Variants in EYS observed in about 807,000 individuals in gnomAD.
EYS encodes EGF-like photoreceptor maintenance factor.
EYS carries 250 observed loss-of-function variants against 282.1 expected under a neutral mutation model. The ratio of observed to expected loss-of-function variants is 0.89; its 90% CI spans 0.80 to 0.98. The LOEUF is 0.98. Among genes scored for constraint, EYS ranks in the 50% least tolerant of loss-of-function variants. The pLI is 0.00. For synonymous variants in EYS, 1,355 were observed against 1,282.9 expected, an observed-to-expected ratio of 1.06 and a Z score of -1.20; for missense variants, 4,016 against 3,709.0, an observed-to-expected ratio of 1.08 and a Z score of -2.15.
intron 22 of EYS, among the ~76,000 whole-genome samples, chr6:64,652,167 C>G (rs963138639): frequency 1.3e-5 from 2 of 152,218 alleles, no homozygotes; most frequent in African/African-American, 4.8e-5. Flanking sequence ...AGGTGACCCA[C>G]AGTCATGTAT....
At chr6:64,985,234 G>A (rs1213017719) in intron 14 of EYS, among the ~76,000 whole-genome samples, 1 of 151,502 alleles carries the variant, frequency 6.6e-6, no homozygotes, top group Non-Finnish European at 1.5e-5. Flanking sequence ...CTATACAAAT[G>A]TTATGACTTT....
intron 26 of EYS, among the ~76,000 whole-genome samples, chr6:64,569,655 T>G (rs113572652): frequency 2.0e-5 from 3 of 151,614 alleles, no homozygotes; most frequent in Non-Finnish European, 4.4e-5. Context: ...GCAGGAGAAT[T>G]GCGTGAACCC....
intron 22 of EYS, among the ~76,000 whole-genome samples, chr6:64,750,420 T>TAA (rs5876920): frequency 0.039 from 5,792 of 146,970 alleles, 268 homozygotes; most frequent in African/African-American, 0.11. Flanking sequence ...AGAGGGAAAG[T>TAA]AAAAAAAAAA....
chr6:65,139,856 GA>G (rs923020181), intron 12 of EYS, among the ~76,000 whole-genome samples: 1 of 152,042 alleles, frequency 6.6e-6, no homozygotes, highest in Non-Finnish European at 1.5e-5. Flanking sequence ...GCCATTTGGG[GA>G]ATCTGGACCT....
At chr6:65,469,857 T>C (rs1765144084) in intron 5 of EYS, among the ~76,000 whole-genome samples, 1 of 152,132 alleles carries the variant, frequency 6.6e-6, no homozygotes, top group African/African-American at 2.4e-5. Flanking sequence ...TTCCAAAGAT[T>C]TTAAGTCCCT....
intron 14 of EYS, among the ~76,000 whole-genome samples, chr6:64,972,710 G>C (rs1770336899): frequency 6.6e-6 from 1 of 152,092 alleles, no homozygotes; most frequent in South Asian, 2.1e-4. Flanking sequence ...TTACTGGTAA[G>C]TCTTCCAGTC....
chr6:63,945,946 C>G (rs1765384404), intron 35 of EYS, among the ~76,000 whole-genome samples: 2 of 152,180 alleles, frequency 1.3e-5, no homozygotes. Flanking sequence ...TTTCCTGAAC[C>G]TACGAATAAA....
At chr6:64,133,980 C>T (rs2150283617) in intron 31 of EYS, among the ~76,000 whole-genome samples, 1 of 152,094 alleles carries the variant, frequency 6.6e-6, no homozygotes. Context: ...AAGCTTGAGC[C>T]ATGCAAAGAT....
intron 11 of EYS, among the ~76,000 whole-genome samples, chr6:65,297,994 C>T (rs58454706): frequency 0.036 from 5,548 of 152,056 alleles, 313 homozygotes; most frequent in African/African-American, 0.12. Context: ...TAGTTCTGTG[C>T]CTCTACTATG....
intron 22 of EYS, among the ~76,000 whole-genome samples, chr6:64,654,577 C>T (rs1161828441): frequency 6.6e-6 from 1 of 152,038 alleles, no homozygotes. Flanking sequence ...CTGGGGCTTG[C>T]ACTGTATAGA....
intron 33 of EYS, among the ~76,000 whole-genome samples, chr6:64,011,341 C>T (rs182899612): frequency 6.6e-6 from 1 of 152,074 alleles, no homozygotes; most frequent in East Asian, 1.9e-4. Context: ...AAAGATCAAA[C>T]TAAGTTCTTG....
At position 64,587,379 on chromosome 6, in the gene EYS, G is replaced by A. The variant is rs148821387; in HGVS notation, c.5644+2844C>T. 2.5e-3 allele frequency among the ~76,000 whole-genome samples: 382 copies of A among 152,040 alleles called. 4 individuals are homozygous for A. The highest frequency in any genetic ancestry group is 8.5e-3 in the African/African-American group (354 of 41,500). ...CATTTACACATTTGTTCTATATTTT[G>A]GCAGTGTCACGGAAACCATTATGTG... On this transcript the variant is annotated intron_variant, in intron 26 of 42. Transcript: ENST00000503581.
At chr6:65,656,647 T>C (rs1440052755) in intron 1 of EYS, among the ~76,000 whole-genome samples, 1 of 151,900 alleles carries the variant, frequency 6.6e-6, no homozygotes, top group Non-Finnish European at 1.5e-5. Flanking sequence ...AGTTTGAAAC[T>C]AGCAGATGTT....
intron 29 of EYS, among the ~76,000 whole-genome samples, chr6:64,341,560 G>T (rs1486207936): frequency 6.6e-6 from 1 of 151,676 alleles, no homozygotes; most frequent in Admixed American, 6.6e-5. Context: ...AGGATGAGAG[G>T]AGTACATGGG....
At chr6:64,377,599 C>T (rs537404564) in intron 29 of EYS, among the ~76,000 whole-genome samples, 1 of 151,920 alleles carries the variant, frequency 6.6e-6, no homozygotes, top group South Asian at 2.1e-4. Context: ...AAATGTGAAG[C>T]AATTATAAGA....
At position 65,583,420 on chromosome 6, in the gene EYS, T is replaced by C. The variant is rs1562271811; in HGVS notation, c.-333+56358A>G. Among the ~76,000 whole-genome samples the C allele has an allele frequency of 2.0e-5, 3 of 152,200 alleles. No homozygotes were observed. In the East Asian group the frequency reaches 5.8e-4, roughly 29 times the overall value. On this transcript the variant is annotated intron_variant, in intron 2 of 42. Transcript: ENST00000503581. ...TTTATATAAGTGGTAGAAGTTTTCTTGTAGTGTTTTATACACCTTAAGGAT... is the reference window on the plus strand; with the variant it reads ...TTTATATAAGTGGTAGAAGTTTTCTCGTAGTGTTTTATACACCTTAAGGAT...
chr6:65,492,043 A>T (rs1766064942), intron 4 of EYS, among the ~76,000 whole-genome samples: 1 of 152,150 alleles, frequency 6.6e-6, no homozygotes. Flanking sequence ...ACTGTGAGAA[A>T]ATAAGTTTCT....
intron 1 of EYS, among the ~76,000 whole-genome samples, chr6:65,656,808 A>G (rs1767846492): frequency 6.6e-6 from 1 of 151,944 alleles, no homozygotes; most frequent in African/African-American, 2.4e-5. Context: ...TGGATTTTCA[A>G]TGGAAACAAA....
chr6:64,579,780 C>G (rs1353098954), intron 26 of EYS, among the ~76,000 whole-genome samples: 1 of 152,038 alleles, frequency 6.6e-6, no homozygotes, highest in Non-Finnish European at 1.5e-5. Context: ...ACAGACAGCT[C>G]TTTCCTACGT....
Sources: gnomAD v4.1 joint callset for allele counts (sites outside exome capture counted in the v4.1 genomes callset) on GRCh38, gnomAD v4.1.1 for gene constraint, MANE v1.5 for transcripts, NCBI Gene and HGNC (gene_info 2026-07-23, HGNC 2026-07-21) for gene names.